FNDC1: variants seen among roughly 807,000 people sequenced by gnomAD.
FNDC1 encodes fibronectin type III domain containing 1, also known as fibronectin type III domain-containing protein 1.
FNDC1 carries 96 observed loss-of-function variants against 168.0 expected under a neutral mutation model. The ratio of observed to expected loss-of-function variants is 0.57; its 90% CI spans 0.48 to 0.68. The LOEUF (loss-of-function observed/expected upper bound fraction) is 0.68, where lower values mean the gene tolerates loss of function less well. Among genes scored for constraint, FNDC1 ranks in the 30% least tolerant of loss-of-function variants. FNDC1 has a pLI of 0.00. For synonymous variants in FNDC1, 1,099 were observed against 1,025.9 expected (o/e 1.07, Z -1.36); for missense variants, 2,587 against 2,482.1 (o/e 1.04, Z -0.90).
intron 15 of FNDC1, among the ~76,000 whole-genome samples, chr6:159,248,435 A>G (rs1777183094): frequency 6.6e-6 from 1 of 151,840 alleles, no homozygotes; most frequent in Admixed American, 6.6e-5. Flanking sequence ...CCTCCTGAGT[A>G]GCTGGGACTA....
At chr6:159,180,187 T>C (rs1395062613) in intron 1 of FNDC1, among the ~76,000 whole-genome samples, 1 of 152,208 alleles carries the variant, frequency 6.6e-6, no homozygotes, top group Non-Finnish European at 1.5e-5. Flanking sequence ...TCCTTGCTTC[T>C]TCCTAGCTTC....
intron 18 of FNDC1, among the ~76,000 whole-genome samples, chr6:159,259,144 T>A (rs1403741847): frequency 6.6e-6 from 1 of 152,220 alleles, no homozygotes. Context: ...AGGCATGGAT[T>A]GCTTTTGTTA....
chr6:159,217,321 C>T (rs779642669), intron 5 of FNDC1, among the ~76,000 whole-genome samples: 7 of 152,186 alleles, frequency 4.6e-5, no homozygotes, highest in Non-Finnish European at 1.0e-4. Context: ...CCGGCGAGCC[C>T]ACACTCCTAG....
rs138490789 is a variant in FNDC1, at chr6:159,172,324, G to C, written c.109+2619G>C. ...AAAGAATGACAACAGACAAACTAGA[G>C]CTATTCTGACTTGGGTATTTGGCCG... On this transcript the variant is annotated intron_variant, in intron 1 of 22. Coordinates refer to ENST00000297267, the MANE Select transcript of FNDC1 (RefSeq NM_032532.3). Among the ~76,000 whole-genome samples the C allele has an allele frequency of 9.8e-5, 15 of 152,312 alleles. No individual in the cohort carries two copies. In the East Asian group the frequency reaches 2.9e-3, roughly 29 times the overall value.
intron 4 of FNDC1, among the ~76,000 whole-genome samples, chr6:159,213,873 T>C (rs1260006730): frequency 6.6e-6 from 1 of 152,230 alleles, no homozygotes; most frequent in African/African-American, 2.4e-5. Context: ...TTCAGGACGT[T>C]GGAACCAGGT....
In FNDC1 at chr6:159,238,673, A is replaced by G. The variant is rs1305688435; in HGVS notation, c.4180+8A>G. On this transcript the variant is annotated splice_region_variant and intron_variant, in intron 13 of 22. Coordinates refer to ENST00000297267, the MANE Select transcript of FNDC1 (RefSeq NM_032532.3). ...ATGGTCGAACCATTGTAGGTAAGGG[A>G]GAATGGTTTTTAAAGAATAAAAGCC... 3 of 1,560,324 alleles carry G rather than the reference A, an allele frequency of 1.9e-6. No homozygotes were observed. The highest frequency in any genetic ancestry group is 2.6e-6 in the Non-Finnish European group (3 of 1,143,862).
In FNDC1 at chr6:159,169,586, C is replaced by A; in HGVS notation, c.-11C>A. 1 of 1,080,770 alleles carries A rather than the reference C, an allele frequency of 9.3e-7. No homozygotes were observed. 66.9% of individuals were successfully genotyped at this position (1,080,770 alleles called of 1,614,324 possible). Reference sequence around the variant, plus strand: ...CGCAAGCACCCAGCCCCGGCCCACCCCGGGCTCTCGATGGCCCCCGAGGCC... The same window carrying A: ...CGCAAGCACCCAGCCCCGGCCCACCACGGGCTCTCGATGGCCCCCGAGGCC... On this transcript the variant is annotated 5_prime_UTR_variant, in exon 1 of 23. Transcript: ENST00000297267. The surrounding 1 kb of genome is among the most constrained non-coding windows in gnomAD (Gnocchi z 6.8).
chr6:159,198,380 C>CT (rs1782296712), intron 2 of FNDC1, among the ~76,000 whole-genome samples: 1 of 152,210 alleles, frequency 6.6e-6, no homozygotes, highest in Admixed American at 6.5e-5. Context: ...GGATCATGGG[C>CT]TCCTCAGCTT....
chr6:159,174,851 C>T (rs983293094), intron 1 of FNDC1, among the ~76,000 whole-genome samples: 1 of 152,172 alleles, frequency 6.6e-6, no homozygotes, highest in Non-Finnish European at 1.5e-5. Flanking sequence ...CTCAGGGGTA[C>T]CAGCCTCAGG....
intron 4 of FNDC1, among the ~76,000 whole-genome samples, chr6:159,213,467 C>T (rs1192924790): frequency 1.3e-5 from 2 of 152,118 alleles, no homozygotes; most frequent in East Asian, 1.9e-4. Context: ...ATTGGTTTGT[C>T]CTGGAACAGA....
rs940422940 is a variant in FNDC1 at position 159,233,250 on chromosome 6, C to T, written c.2738C>T (p.Pro913Leu). The change falls in exon 11 of 23, where the codon CCG (proline) becomes CTG (leucine). Residue 913 changes from proline (P) to leucine (L), a missense_variant. Coordinates refer to ENST00000297267, the MANE Select transcript of FNDC1 (RefSeq NM_032532.3). The surrounding 1 kb of genome is among the most constrained non-coding windows in gnomAD (Gnocchi z 4.6). ...SRGWEDLRRS[P>L]QRGASLHRKE... ...GGCTGGGAGGACTTAAGGAGAAGCC[C>T]GCAGAGAGGGGCCAGCCTGCATCGG... 2 of 1,613,898 alleles carry T rather than the reference C, an allele frequency of 1.2e-6. No homozygotes were observed. The highest frequency in any genetic ancestry group is 2.2e-5 in the East Asian group (1 of 44,858).
chr6:159,228,790 C>T (rs1428503455), intron 9 of FNDC1, among the ~76,000 whole-genome samples: 1 of 152,176 alleles, frequency 6.6e-6, no homozygotes, highest in Admixed American at 6.5e-5. Flanking sequence ...ATTCTCCTGC[C>T]TCAGCCTCTC....
rs762177264 is a variant in FNDC1, at chr6:159,232,627, C to T, written c.2115C>T (p.Ala705=). The part of the protein sequence containing the change: ...SPARRTPHSG[A]AEEDSSASAP... ...CCCGGAGGACCCCCCATTCAGGGGCCGCAGAGGAAGATTCCAGTGCCTCAG... is the reference window on the plus strand; with the variant it reads ...CCCGGAGGACCCCCCATTCAGGGGCTGCAGAGGAAGATTCCAGTGCCTCAG... The change falls in exon 11 of 23, where the codon GCC becomes GCT. Residue 705 remains alanine (A), a synonymous_variant. Coordinates refer to ENST00000297267, the MANE Select transcript of FNDC1 (RefSeq NM_032532.3). This position sits in a 1 kb window ranked among gnomAD's most constrained non-coding sequence, Gnocchi z 4.9. 6 of 1,610,782 alleles carry T rather than the reference C, an allele frequency of 3.7e-6. No individual in the cohort carries two copies. Among genetic ancestry groups the T allele is most frequent in the Admixed American group, 3.3e-5 (2 of 59,762 alleles).
rs773454507 is a variant in FNDC1 at position 159,232,416 on chromosome 6, T to C, written c.1904T>C (p.Leu635Pro). Residue 635 changes from leucine to proline, a missense_variant, in exon 11 of 23, where the codon CTG becomes CCG. Coordinates refer to ENST00000297267, the MANE Select transcript of FNDC1 (RefSeq NM_032532.3). This position sits in a 1 kb window ranked among gnomAD's most constrained non-coding sequence, Gnocchi z 4.9. ...CAGGGCACCTCTCATCGTCCTTCCCTGCCTGCCAGCTTGAATGACAACGAC... is the reference window on the plus strand; with the variant it reads ...CAGGGCACCTCTCATCGTCCTTCCCCGCCTGCCAGCTTGAATGACAACGAC... ...STQGTSHRPS[L>P]PASLNDNDLV... 1 of 1,612,092 alleles carries C rather than the reference T, an allele frequency of 6.2e-7. No homozygotes were observed. Among genetic ancestry groups the C allele is most frequent in the African/African-American group, 1.3e-5 (1 of 75,018 alleles).
chr6:159,203,395 G>A (rs1321481878), intron 4 of FNDC1, among the ~76,000 whole-genome samples: 1 of 152,216 alleles, frequency 6.6e-6, no homozygotes, highest in African/African-American at 2.4e-5. Context: ...GTGAAGCCAT[G>A]TGGGGAGGAG....
intron 1 of FNDC1, among the ~76,000 whole-genome samples, chr6:159,185,495 A>G (rs1781975775): frequency 3.3e-5 from 5 of 152,228 alleles, no homozygotes; most frequent in Admixed American, 3.3e-4. Flanking sequence ...CTCATTCACC[A>G]GTAAACTTGG....
intron 9 of FNDC1, among the ~76,000 whole-genome samples, chr6:159,227,371 C>A (rs954641354): frequency 1.3e-5 from 2 of 152,162 alleles, no homozygotes; most frequent in African/African-American, 4.8e-5. Context: ...GATTGAGGGG[C>A]AACTTTAAGT....
intron 17 of FNDC1, among the ~76,000 whole-genome samples, chr6:159,253,780 C>T (rs1384907720): frequency 6.6e-6 from 1 of 152,188 alleles, no homozygotes; most frequent in Non-Finnish European, 1.5e-5. Context: ...AACCCAGACA[C>T]AGGATCAGCC....
chr6:159,234,817 C>T (rs147591058), intron 11 of FNDC1, among the ~76,000 whole-genome samples: 11 of 152,362 alleles, frequency 7.2e-5, no homozygotes, highest in African/African-American at 2.4e-4. Flanking sequence ...TCCTACATTG[C>T]CTCTTTGAAT....
Sources: gnomAD v4.1 joint callset for allele counts (sites outside exome capture counted in the v4.1 genomes callset) on GRCh38, gnomAD v4.1.1 for gene constraint, Gnocchi (gnomAD v3.1) non-coding constraint, MANE v1.5 for transcripts, NCBI Gene and HGNC (gene_info 2026-07-23, HGNC 2026-07-21) for gene names.